CADM1: variants seen among roughly 807,000 people sequenced by gnomAD.
The protein encoded by CADM1 is cell adhesion molecule 1, also known as TSLC-1.
In CADM1, 15 loss-of-function variants were observed where a neutral mutation model predicts 53.1. The observed-to-expected ratio is 0.28, with a 90% confidence interval of 0.19 to 0.44. The LOEUF is 0.44. Ranked by LOEUF, CADM1 falls within the 20% of genes least tolerant of loss-of-function variation. The probability of loss-of-function intolerance (pLI) is 1.00; values close to 1 mark genes in which losing one functional copy is unlikely to be tolerated. For missense variants in CADM1, 434 were observed against 611.3 expected (o/e 0.71, Z 3.06); for synonymous variants, 281 against 243.0 (o/e 1.16, Z -1.45).
In CADM1 at chr11:115,172,443, T is replaced by A. The variant is rs1207545614; in HGVS notation, c.*4031A>T. 1 of 152,280 alleles carries A rather than the reference T, an allele frequency of 6.6e-6. No homozygotes were observed. The highest frequency in any genetic ancestry group is 2.4e-5 in the African/African-American group (1 of 41,448). 9.4% of individuals were successfully genotyped at this position (152,280 alleles called of 1,614,324 possible). On this transcript the variant is annotated 3_prime_UTR_variant, in exon 12 of 12. Transcript: ENST00000331581. ...TTGCCCTCTGTACTTTTGACTCACA[T>A]TCCTTCTCCACGAAACCATCCTTTA...
chr11:115,209,426 G>C, intron 8 of CADM1, 148 bp downstream of exon 8: 1 of 1,185,438 alleles, frequency 8.4e-7, no homozygotes, highest in Non-Finnish European at 1.2e-6. Flanking sequence ...TTCAACTTAA[G>C]AACATAGTAT....
intron 1 of CADM1, among the ~76,000 whole-genome samples, chr11:115,320,426 G>T (rs898335634): frequency 1.3e-5 from 2 of 152,062 alleles, no homozygotes; most frequent in African/African-American, 4.8e-5. Context: ...CAATGATTTT[G>T]CAGTAAAGCA....
intron 1 of CADM1, among the ~76,000 whole-genome samples, chr11:115,264,128 A>G (rs1317841054): frequency 6.6e-6 from 1 of 152,192 alleles, no homozygotes; most frequent in Non-Finnish European, 1.5e-5. Context: ...TTCATTTTTT[A>G]TTAATGCTCT....
chr11:115,304,599 T>C (rs1944315363), intron 1 of CADM1, among the ~76,000 whole-genome samples: 1 of 152,010 alleles, frequency 6.6e-6, no homozygotes, highest in Admixed American at 6.6e-5. Context: ...AGAGATATTG[T>C]GCTAAAAATG....
chr11:115,270,039 G>A lies in CADM1; in HGVS notation c.125-29619C>T, dbSNP rs149124615. On this transcript the variant is annotated intron_variant, in intron 1 of 11. Coordinates refer to ENST00000331581, the MANE Select transcript of CADM1 (RefSeq NM_001301043.2). ...AGGATTTGTGTAAAAGTGTGCAGGC[G>A]TCAACTCCCACTATTTCCTTCTCTT... Among the ~76,000 whole-genome samples the A allele has an allele frequency of 2.9e-4, 44 of 152,302 alleles. No individual in the cohort carries two copies. The East Asian group carries it at 4.6e-3, about 16-fold the overall frequency.
intron 1 of CADM1, among the ~76,000 whole-genome samples, chr11:115,285,149 TGATTTATACAGTC>T (rs1216315538): frequency 6.6e-6 from 1 of 152,248 alleles, no homozygotes; most frequent in African/African-American, 2.4e-5. Context: ...GCCAACCCCC[TGATTTATACAGTC>T]GAAGGACTCA....
At position 115,418,849 on chromosome 11, in the gene CADM1, TA is replaced by T. The variant is rs1156990499; in HGVS notation, c.124+85421del. Among the ~76,000 whole-genome samples, 23 of 152,244 alleles carry T rather than the reference TA, an allele frequency of 1.5e-4. No individual in the cohort carries two copies. The East Asian group carries it at 3.7e-3, about 24-fold the overall frequency. ...GTGAGACTTTACAAGAGCAAGTACT[TA>T]AAGCACGTCAAGACAAATATTTACA... On this transcript the variant is annotated intron_variant, in intron 1 of 11. Transcript: ENST00000331581.
chr11:115,362,325 T>G (rs572878483), intron 1 of CADM1, among the ~76,000 whole-genome samples: 1 of 152,296 alleles, frequency 6.6e-6, no homozygotes, highest in South Asian at 2.1e-4. Context: ...TTAACCAGAT[T>G]GGCCATTTGG....
At chr11:115,497,007 T>A (rs1199250360) in intron 1 of CADM1, among the ~76,000 whole-genome samples, 1 of 152,120 alleles carries the variant, frequency 6.6e-6, no homozygotes, top group Non-Finnish European at 1.5e-5. Context: ...GAACCCTTTG[T>A]TTTCAGGCAG....
At chr11:115,333,352 T>C (rs1254993738) in intron 1 of CADM1, among the ~76,000 whole-genome samples, 1 of 152,022 alleles carries the variant, frequency 6.6e-6, no homozygotes, top group Non-Finnish European at 1.5e-5. Context: ...TGTTGAGAGA[T>C]CGAGAGAGAA....
intron 1 of CADM1, among the ~76,000 whole-genome samples, chr11:115,311,247 A>C (rs1591697239): frequency 6.6e-6 from 1 of 152,298 alleles, no homozygotes; most frequent in East Asian, 1.9e-4. Flanking sequence ...TAAAAGATTT[A>C]ATAATCATGG....
chr11:115,192,245 C>G (rs1485168411), intron 9 of CADM1, among the ~76,000 whole-genome samples: 2 of 152,202 alleles, frequency 1.3e-5, no homozygotes, highest in East Asian at 3.8e-4. Context: ...AGACGGCTGT[C>G]ACACCATCAA....
At chr11:115,488,235 T>C (rs1413033384) in intron 1 of CADM1, among the ~76,000 whole-genome samples, 1 of 152,124 alleles carries the variant, frequency 6.6e-6, no homozygotes, top group Non-Finnish European at 1.5e-5. Flanking sequence ...TCTCCATAAT[T>C]CAAAGCATTT....
At chr11:115,492,454 T>C (rs1404637418) in intron 1 of CADM1, among the ~76,000 whole-genome samples, 1 of 152,002 alleles carries the variant, frequency 6.6e-6, no homozygotes, top group Non-Finnish European at 1.5e-5. Flanking sequence ...AGGAAAGAAA[T>C]TAAAACAAAA....
At chr11:115,237,423 C>T (rs1295304232) in intron 3 of CADM1, among the ~76,000 whole-genome samples, 3 of 152,110 alleles carry the variant, frequency 2.0e-5, no homozygotes, top group Non-Finnish European at 4.4e-5. Context: ...TATGTTTTAG[C>T]TTAATGAATA....
At chr11:115,359,055 T>A (rs1945958467) in intron 1 of CADM1, among the ~76,000 whole-genome samples, 1 of 152,226 alleles carries the variant, frequency 6.6e-6, no homozygotes, top group Non-Finnish European at 1.5e-5. Flanking sequence ...TAGATTTGTA[T>A]ACATACATGC....
intron 1 of CADM1, among the ~76,000 whole-genome samples, chr11:115,427,276 T>A (rs939841246): frequency 1.3e-5 from 2 of 152,072 alleles, no homozygotes; most frequent in Non-Finnish European, 2.9e-5. Context: ...CATATGTCTA[T>A]CAATTGGGGA....
At chr11:115,200,598 C>A (rs897944874) in intron 8 of CADM1, among the ~76,000 whole-genome samples, 1 of 152,130 alleles carries the variant, frequency 6.6e-6, no homozygotes, top group East Asian at 1.9e-4. Flanking sequence ...TGCATTCAAG[C>A]GATTCTCCTG....
intron 1 of CADM1, among the ~76,000 whole-genome samples, chr11:115,277,188 G>A (rs1943468593): frequency 6.6e-6 from 1 of 152,152 alleles, no homozygotes; most frequent in Non-Finnish European, 1.5e-5. Context: ...TTTCTGTTTT[G>A]TTTTGCCTAT....
Sources: allele counts gnomAD v4.1 joint callset (sites outside exome capture counted in the v4.1 genomes callset), GRCh38; gene constraint gnomAD v4.1.1; transcripts MANE v1.5; gene names NCBI Gene and HGNC (gene_info 2026-07-23, HGNC 2026-07-21).